NAALADL2: variants seen among roughly 807,000 people sequenced by gnomAD.
NAALADL2 encodes the protein N-acetylated alpha-linked acidic dipeptidase like 2.
A neutral mutation model predicts 87.2 loss-of-function variants in NAALADL2; 76 were observed. That is an observed-to-expected ratio of 0.87 (90% CI 0.72 to 1.05). The LOEUF (loss-of-function observed/expected upper bound fraction) is 1.05. NAALADL2 is among the 50% of genes least tolerant of loss of function. The probability of loss-of-function intolerance (pLI) is 0.00; values close to 1 mark genes in which losing one functional copy is unlikely to be tolerated. For synonymous variants in NAALADL2, 354 were observed against 331.0 expected (o/e 1.07, Z -0.75); for missense variants, 1,089 against 945.8 (o/e 1.15, Z -1.99).
chr3:175,289,031 G>A (rs1334590167), intron 4 of NAALADL2, among the ~76,000 whole-genome samples: 1 of 152,000 alleles, frequency 6.6e-6, no homozygotes, highest in Non-Finnish European at 1.5e-5. Flanking sequence ...TAATATATTT[G>A]TTACTTTTTC....
intron 10 of NAALADL2, among the ~76,000 whole-genome samples, chr3:175,609,766 C>T (rs1490376900): frequency 3.3e-5 from 5 of 152,166 alleles, no homozygotes; most frequent in Non-Finnish European, 7.4e-5. Flanking sequence ...CTTCTTCCCT[C>T]TCCCATCTCC....
intron 1 of NAALADL2, among the ~76,000 whole-genome samples, chr3:174,990,101 T>C (rs937842978): frequency 6.6e-5 from 10 of 152,202 alleles, no homozygotes; most frequent in African/African-American, 2.4e-4. Flanking sequence ...TTTATCCATA[T>C]GATGTATCTT....
chr3:175,444,861 G>C (rs906635823), intron 5 of NAALADL2, among the ~76,000 whole-genome samples: 5 of 152,058 alleles, frequency 3.3e-5, no homozygotes, highest in Non-Finnish European at 7.4e-5. Flanking sequence ...TTTCTTCAAA[G>C]CCATGACTTC....
chr3:175,338,924 G>T (rs992059682), intron 5 of NAALADL2, among the ~76,000 whole-genome samples: 8 of 152,192 alleles, frequency 5.3e-5, no homozygotes, highest in African/African-American at 1.9e-4. Flanking sequence ...CTGCACAGAA[G>T]GGAGGGAAGG....
At chr3:175,482,064 G>GA (rs35372328) in intron 9 of NAALADL2, among the ~76,000 whole-genome samples, 42 of 150,998 alleles carry the variant, frequency 2.8e-4, no homozygotes, top group Admixed American at 3.3e-4. Flanking sequence ...GTACTATTGG[G>GA]AAAAAAAATA....
In NAALADL2 at chr3:175,804,467, A is replaced by C. The variant is rs1260171770; in HGVS notation, c.*1264A>C. ...AACTATTATTATTCCCCCAAACCCT[A>C]AAATTCTACCTATTAGGTGTCAGGT... On this transcript the variant is annotated 3_prime_UTR_variant, in exon 14 of 14. Transcript: ENST00000454872. 6.6e-6 allele frequency: 1 copy of C among 151,786 alleles called. No individual in the cohort carries two copies. Among genetic ancestry groups the C allele is most frequent in the Non-Finnish European group, 1.5e-5 (1 of 67,820 alleles). The allele number at this position is 151,786 out of a possible 1,614,324, so 9.4% of individuals were successfully genotyped here. A position where few individuals can be genotyped will look rare whatever the true frequency, so the allele number is the denominator to read the frequency against.
chr3:175,181,733 A>ATATG (rs780652239), intron 2 of NAALADL2, among the ~76,000 whole-genome samples: 5 of 34,428 alleles, frequency 1.5e-4, no homozygotes, highest in South Asian at 1.2e-3. Context: ...ATATGTATAT[A>ATATG]TGTGTATATA....
chr3:174,571,345 T>C (rs1367371811), intron 2 of NAALADL2, among the ~76,000 whole-genome samples: 1 of 152,090 alleles, frequency 6.6e-6, no homozygotes, highest in Non-Finnish European at 1.5e-5. Context: ...TAAATAAACA[T>C]ATAGATCAAA....
At chr3:175,030,513 C>T (rs939998926) in intron 1 of NAALADL2, among the ~76,000 whole-genome samples, 4 of 151,912 alleles carry the variant, frequency 2.6e-5, no homozygotes, top group Non-Finnish European at 5.9e-5. Context: ...AAAATAAAAG[C>T]AAATTTAAAT....
intron 9 of NAALADL2, among the ~76,000 whole-genome samples, chr3:175,483,325 G>T (rs56377737): frequency 0.12 from 16,384 of 142,138 alleles, 1,019 homozygotes; most frequent in African/African-American, 0.17. Flanking sequence ...TTACTTTTTG[G>T]CTTTTTTTTT....
chr3:175,329,045 T>A (rs1241847324), intron 5 of NAALADL2, among the ~76,000 whole-genome samples: 2 of 152,174 alleles, frequency 1.3e-5, no homozygotes, highest in Non-Finnish European at 2.9e-5. Flanking sequence ...TCTTCTGAAT[T>A]CTGTGTTGAC....
At chr3:174,613,306 T>TG (rs976921425) in intron 2 of NAALADL2, among the ~76,000 whole-genome samples, 1 of 152,192 alleles carries the variant, frequency 6.6e-6, no homozygotes, top group African/African-American at 2.4e-5. Context: ...CTCAAGGCCC[T>TG]GGGGCTGTAC....
intron 3 of NAALADL2, among the ~76,000 whole-genome samples, chr3:174,822,280 C>T (rs1039085586): frequency 1.3e-5 from 2 of 152,000 alleles, no homozygotes; most frequent in African/African-American, 4.8e-5. Context: ...ACCCGACGGC[C>T]CCTGCTTATT....
chr3:174,741,265 A>G (rs1185823380), intron 3 of NAALADL2, among the ~76,000 whole-genome samples: 2 of 151,628 alleles, frequency 1.3e-5, no homozygotes, highest in Admixed American at 1.3e-4. Context: ...AATTTTACCT[A>G]AATAATGTTT....
intron 6 of NAALADL2, among the ~76,000 whole-genome samples, chr3:175,458,313 T>C (rs2080279762): frequency 6.6e-6 from 1 of 151,712 alleles, no homozygotes; most frequent in South Asian, 2.1e-4. Flanking sequence ...TATGTAAGTA[T>C]ATAAAAATAT....
At chr3:174,873,386 C>G (rs1254744189) in intron 1 of NAALADL2, among the ~76,000 whole-genome samples, 10 of 152,038 alleles carry the variant, frequency 6.6e-5, no homozygotes, top group Non-Finnish European at 1.3e-4. Context: ...TCCTGAGTAG[C>G]TGGGACTACA....
At chr3:174,485,418 A>AT (rs36055156) in intron 1 of NAALADL2, among the ~76,000 whole-genome samples, 108,587 of 149,250 alleles carry the variant, frequency 0.73, 40,706 homozygotes, top group East Asian at 0.92. Flanking sequence ...AGTACCCATT[A>AT]TTTTTTTTTT....
At chr3:175,469,954 G>A (rs146194629) in intron 8 of NAALADL2, among the ~76,000 whole-genome samples, 38 of 152,120 alleles carry the variant, frequency 2.5e-4, no homozygotes, top group South Asian at 1.7e-3. Flanking sequence ...ATTTATGTGC[G>A]CTTAAAATGT....
chr3:175,781,761 G>A (rs1576807233), intron 13 of NAALADL2, among the ~76,000 whole-genome samples: 1 of 150,862 alleles, frequency 6.6e-6, no homozygotes, highest in South Asian at 2.1e-4. Flanking sequence ...TGCACATTGT[G>A]CAGGTTAGTT....
Sources: gnomAD v4.1 joint callset for allele counts (sites outside exome capture counted in the v4.1 genomes callset) on GRCh38, gnomAD v4.1.1 for gene constraint, MANE v1.5 for transcripts, NCBI Gene and HGNC (gene_info 2026-07-23, HGNC 2026-07-21) for gene names.